The following RGS6 variants were observed in gnomAD, a reference collection of about 807,000 sequenced individuals.
The protein encoded by RGS6 is regulator of G-protein signaling 6.
A neutral mutation model predicts 78.5 loss-of-function variants in RGS6; 30 were observed. The observed-to-expected ratio is 0.38, with a 90% CI of 0.29 to 0.52. RGS6 has a LOEUF of 0.52. Among genes scored for constraint, RGS6 ranks in the 20% least tolerant of loss-of-function variants. The pLI is 0.85. For synonymous variants in RGS6, 206 were observed against 206.0 expected (o/e 1.00, Z 0.00); for missense variants, 495 against 609.7 (o/e 0.81, Z 1.98).
chr14:71,920,401 A>T, the RGS6 span, among the ~76,000 whole-genome samples: 3 of 152,366 alleles, frequency 2.0e-5, no homozygotes, highest in East Asian at 3.9e-4. Context: ...GGGAGTCAAG[A>T]TGGAAGGAAA....
At chr14:72,041,231 G>A (rs2092374142) in intron 2 of RGS6, among the ~76,000 whole-genome samples, 2 of 152,194 alleles carry the variant, frequency 1.3e-5, no homozygotes, top group South Asian at 4.1e-4. Context: ...CTTTGTGTAG[G>A]GGAAGACCTT....
intron 2 of RGS6, among the ~76,000 whole-genome samples, chr14:71,977,857 A>G (rs1038641277): frequency 5.9e-5 from 9 of 152,038 alleles, no homozygotes; most frequent in Non-Finnish European, 1.0e-4. Context: ...CTTGGGCAGT[A>G]TGGCCATTTT....
chr14:72,612,697 GC>G, the RGS6 span: 1 of 478,288 alleles, frequency 2.1e-6, no homozygotes. Flanking sequence ...AGCCATAAAA[GC>G]TTTGCATCCC....
chr14:72,057,196 C>T (rs1026520435), intron 2 of RGS6, among the ~76,000 whole-genome samples: 1 of 151,508 alleles, frequency 6.6e-6, no homozygotes, highest in Non-Finnish European at 1.5e-5. Flanking sequence ...TGCCTGTAAT[C>T]CCAGCTTCTT....
intron 2 of RGS6, among the ~76,000 whole-genome samples, chr14:72,250,240 TAAAA>T (rs71448390): frequency 3.0e-4 from 44 of 144,970 alleles, no homozygotes; most frequent in African/African-American, 1.1e-3. Flanking sequence ...TAAACTATAA[TAAAA>T]AAAAAAAGTA....
chr14:71,910,665 G>A, the RGS6 span, among the ~76,000 whole-genome samples: 1 of 152,188 alleles, frequency 6.6e-6, no homozygotes, highest in African/African-American at 2.4e-5. Flanking sequence ...GAGGACAGCA[G>A]CATTGGGTAA....
intron 2 of RGS6, among the ~76,000 whole-genome samples, chr14:71,966,199 TTC>T (rs1418711003): frequency 6.6e-6 from 1 of 152,334 alleles, no homozygotes; most frequent in East Asian, 1.9e-4. Context: ...GTTCTGTGCA[TTC>T]TGAGAGGCTC....
intron 3 of RGS6, among the ~76,000 whole-genome samples, chr14:72,357,409 G>T (rs796840894): frequency 6.6e-5 from 10 of 152,312 alleles, no homozygotes; most frequent in African/African-American, 2.2e-4. Context: ...TTAGAAGACA[G>T]GAAGATGTGG....
intron 13 of RGS6, among the ~76,000 whole-genome samples, chr14:72,509,914 G>A (rs1308090558): frequency 2.0e-5 from 3 of 152,172 alleles, no homozygotes; most frequent in Admixed American, 6.5e-5. Flanking sequence ...CCATTTGAAG[G>A]GCATGCCGGC....
At chr14:72,292,062 G>A (rs200020658) in intron 2 of RGS6, among the ~76,000 whole-genome samples, 179 of 90,260 alleles carry the variant, frequency 2.0e-3, no homozygotes, top group African/African-American at 6.6e-3. Flanking sequence ...ACAGTAACAC[G>A]GTAGGGAGCC....
chr14:72,184,996 A>G (rs1441759913), intron 2 of RGS6, among the ~76,000 whole-genome samples: 1 of 152,178 alleles, frequency 6.6e-6, no homozygotes, highest in African/African-American at 2.4e-5. Context: ...CCAAAACCTC[A>G]AAAGTAGGGA....
At chr14:72,531,056 A>G (rs981056093) in intron 15 of RGS6, among the ~76,000 whole-genome samples, 2 of 152,254 alleles carry the variant, frequency 1.3e-5, no homozygotes, top group Non-Finnish European at 2.9e-5. Flanking sequence ...TGAAATTTTC[A>G]GAAAAACACT....
At chr14:72,140,685 T>G (rs980393649) in intron 2 of RGS6, among the ~76,000 whole-genome samples, 4 of 152,202 alleles carry the variant, frequency 2.6e-5, no homozygotes, top group African/African-American at 4.8e-5. Context: ...CTTGGTACAT[T>G]AGCCAGTATG....
At chr14:72,194,861 C>G (rs10131377) in intron 2 of RGS6, among the ~76,000 whole-genome samples, 3,904 of 151,766 alleles carry the variant, frequency 0.026, 167 homozygotes, top group African/African-American at 0.089. Flanking sequence ...GTTTTGGGCC[C>G]TAAGTAGTTA....
chr14:72,185,831 G>A (rs2097235902), intron 2 of RGS6, among the ~76,000 whole-genome samples: 1 of 152,168 alleles, frequency 6.6e-6, no homozygotes. Context: ...TGTAATCCCA[G>A]CTACTCAGGA....
chr14:72,562,609 T>G lies in RGS6; in HGVS notation c.*142T>G. 6.5e-7 allele frequency: 1 copy of G among 1,535,608 alleles called. No individual in the cohort carries two copies. Among genetic ancestry groups the G allele is most frequent in the East Asian group, 2.4e-5 (1 of 40,924 alleles). On this transcript the variant is annotated 3_prime_UTR_variant, in exon 18 of 18. Coordinates refer to ENST00000553525, the MANE Select transcript of RGS6 (RefSeq NM_001204424.2). ...GAGTGAGGGCAATGAAGGGCGATGG[T>G]GGGGAGACTCGGTGGGTGAATGGGG... is the stretch of plus-strand genomic sequence containing the variant.
chr14:72,568,435 G>A (rs536420436), downstream of RGS6, among the ~76,000 whole-genome samples: 2 of 152,302 alleles, frequency 1.3e-5, no homozygotes, highest in East Asian at 3.9e-4. Flanking sequence ...TTCCCTGGCA[G>A]CCTGGCCCCT....
chr14:72,439,742 A>G (rs930157104), intron 3 of RGS6, among the ~76,000 whole-genome samples: 2 of 152,136 alleles, frequency 1.3e-5, no homozygotes, highest in African/African-American at 4.8e-5. Context: ...GCTTCAACTG[A>G]TGGGTGACAC....
At chr14:72,395,536 TA>T (rs765627414) in intron 3 of RGS6, among the ~76,000 whole-genome samples, 76 of 152,210 alleles carry the variant, frequency 5.0e-4, no homozygotes, top group Admixed American at 1.6e-3. Context: ...CCAACATAAT[TA>T]TTTTTTTTAT....
Sources: gnomAD v4.1 joint callset for allele counts (sites outside exome capture counted in the v4.1 genomes callset) on GRCh38, gnomAD v4.1.1 for gene constraint, MANE v1.5 for transcripts, NCBI Gene and HGNC (gene_info 2026-07-23, HGNC 2026-07-21) for gene names.